ERAP1: variants seen among roughly 807,000 people sequenced by gnomAD.
ERAP1 encodes the protein adipocyte-derived leucine aminopeptidase.
A neutral mutation model predicts 103.7 loss-of-function variants in ERAP1; 86 were observed. The observed-to-expected ratio is 0.83, with a 90% CI of 0.70 to 0.99. The LOEUF (loss-of-function observed/expected upper bound fraction) is 0.99. Ranked by LOEUF, ERAP1 falls within the 50% of genes least tolerant of loss-of-function variation. The pLI, the probability that ERAP1 is intolerant of heterozygous loss-of-function variation, is 0.00. For missense variants in ERAP1, 1,009 were observed against 1,128.4 expected (o/e 0.89, Z 1.52); for synonymous variants, 398 against 402.4 (o/e 0.99, Z 0.13).
the ERAP1 span, among the ~76,000 whole-genome samples, chr5:96,920,459 G>C: frequency 6.6e-6 from 1 of 152,186 alleles, no homozygotes; most frequent in Non-Finnish European, 1.5e-5. Context: ...AAGGAATCCT[G>C]ATTTTCTGAG....
the ERAP1 span, among the ~76,000 whole-genome samples, chr5:96,839,340 T>C: frequency 0.035 from 5,287 of 152,296 alleles, 193 homozygotes; most frequent in East Asian, 0.12. Context: ...TGATAGCATG[T>C]GGCTCAAGAT....
chr5:96,872,319 G>A, the ERAP1 span, among the ~76,000 whole-genome samples: 24 of 139,012 alleles, frequency 1.7e-4, no homozygotes, highest in African/African-American at 5.4e-4. Context: ...CTGGGTGACC[G>A]AATGAGACCC....
chr5:96,808,749 T>C (rs1271961958), upstream of ERAP1, among the ~76,000 whole-genome samples: 1 of 152,186 alleles, frequency 6.6e-6, no homozygotes, highest in Non-Finnish European at 1.5e-5. Context: ...AAAGACCATC[T>C]TTAAACAGTT....
chr5:96,931,954 CAG>C, the ERAP1 span, among the ~76,000 whole-genome samples: 2 of 152,182 alleles, frequency 1.3e-5, no homozygotes, highest in South Asian at 2.1e-4. Flanking sequence ...TAGTTTTACT[CAG>C]AGTTTTGTCT....
chr5:96,881,989 A>AG, the ERAP1 span, among the ~76,000 whole-genome samples: 6 of 21,940 alleles, frequency 2.7e-4, no homozygotes, highest in African/African-American at 1.3e-3. Flanking sequence ...GGGTATCAGG[A>AG]AGTGACTAGC....
At chr5:96,918,264 T>C in the ERAP1 span, 1 of 152,382 alleles carries the variant, frequency 6.6e-6, no homozygotes, top group Non-Finnish European at 1.5e-5. Flanking sequence ...TGCTTCACGC[T>C]ATGCCACTAT....
intron 18 of ERAP1, chr5:96,776,763 T>G: frequency 2.0e-6 from 1 of 507,012 alleles, no homozygotes; most frequent in Non-Finnish European, 3.4e-6. Flanking sequence ...GCAGTTCTTT[T>G]GTTTATTCTC....
chr5:96,930,353 AT>A, the ERAP1 span, among the ~76,000 whole-genome samples: 2 of 152,166 alleles, frequency 1.3e-5, no homozygotes, highest in Admixed American at 6.5e-5. Flanking sequence ...TAACACTGCC[AT>A]TTTTTGTATA....
At chr5:96,791,237 A>G (rs746480850) in intron 8 of ERAP1, among the ~76,000 whole-genome samples, 3 of 152,208 alleles carry the variant, frequency 2.0e-5, no homozygotes, top group Non-Finnish European at 4.4e-5. Flanking sequence ...ATTACCACGG[A>G]TGGTGAGTCA....
chr5:96,915,424 A>C, the ERAP1 span, among the ~76,000 whole-genome samples: 196 of 152,340 alleles, frequency 1.3e-3, 1 homozygote, highest in Non-Finnish European at 1.9e-3. Context: ...ACAGAAACAT[A>C]AAATTAAACA....
chr5:96,828,847 T>C, the ERAP1 span, among the ~76,000 whole-genome samples: 1 of 151,946 alleles, frequency 6.6e-6, no homozygotes, highest in African/African-American at 2.4e-5. Context: ...CTTCGTGACT[T>C]TTTTTTTATT....
At chr5:96,889,831 TACAC>T in the ERAP1 span, among the ~76,000 whole-genome samples, 5,640 of 148,688 alleles carry the variant, frequency 0.038, 136 homozygotes, top group Middle Eastern at 0.09. Flanking sequence ...AAAAAATACA[TACAC>T]ACACACACAC....
chr5:96,898,147 G>T, the ERAP1 span, among the ~76,000 whole-genome samples: 1 of 152,082 alleles, frequency 6.6e-6, no homozygotes, highest in Non-Finnish European at 1.5e-5. Context: ...AGTGAGCCGA[G>T]ATTGCACCAC....
At chr5:96,850,719 C>G in the ERAP1 span, among the ~76,000 whole-genome samples, 1 of 152,104 alleles carries the variant, frequency 6.6e-6, no homozygotes, top group African/African-American at 2.4e-5. Flanking sequence ...ATCAAAACAT[C>G]ACATTATACC....
upstream of ERAP1, among the ~76,000 whole-genome samples, chr5:96,811,877 C>T (rs1779176435): frequency 6.6e-6 from 1 of 152,186 alleles, no homozygotes; most frequent in Admixed American, 6.5e-5. Flanking sequence ...AGCATGTTTC[C>T]AGTTCTTGCA....
intron 3 of ERAP1, 119 bp from the exon 4 acceptor site, chr5:96,797,428 T>A (rs1777464396): frequency 4.4e-6 from 5 of 1,127,380 alleles, no homozygotes; most frequent in Non-Finnish European, 6.5e-6. Context: ...ACTTGGGGAG[T>A]CCGAGGTAGG....
At chr5:96,794,945 G>A in intron 5 of ERAP1, 97 bp downstream of exon 5, 2 of 1,451,554 alleles carry the variant, frequency 1.4e-6, no homozygotes, top group Non-Finnish European at 9.4e-7. Context: ...TGGCTTGAGG[G>A]GCTGCTGAGG....
the ERAP1 span, among the ~76,000 whole-genome samples, chr5:96,892,682 C>CT: frequency 4.6e-5 from 7 of 152,092 alleles, no homozygotes; most frequent in Non-Finnish European, 5.9e-5. Context: ...CCTCTAAAAC[C>CT]TTTCAAAGCA....
At chr5:96,777,856 A>G (rs1046170648) in intron 18 of ERAP1, among the ~76,000 whole-genome samples, 5 of 152,200 alleles carry the variant, frequency 3.3e-5, no homozygotes, top group Admixed American at 3.3e-4. Context: ...TTCTGTCTTC[A>G]CCTGCCTTGG....
Sources: gnomAD v4.1 joint callset for allele counts (sites outside exome capture counted in the v4.1 genomes callset) on GRCh38, gnomAD v4.1.1 for gene constraint, MANE v1.5 for transcripts, NCBI Gene and HGNC (gene_info 2026-07-23, HGNC 2026-07-21) for gene names.